The following CLDN16 variants were observed in gnomAD, a reference collection of about 807,000 sequenced individuals.
CLDN16 encodes claudin-16.
CLDN16 carries 13 observed loss-of-function variants against 24.6 expected under a neutral mutation model. That is an observed-to-expected ratio of 0.53 (90% CI 0.34 to 0.84). CLDN16 has a LOEUF of 0.84. CLDN16 is among the 40% of genes least tolerant of loss of function. CLDN16 has a pLI of 0.01. For synonymous variants in CLDN16, 116 were observed against 106.7 expected, an observed-to-expected ratio of 1.09 and a Z score of -0.54; for missense variants, 298 against 292.7, an observed-to-expected ratio of 1.02 and a Z score of -0.13.
the CLDN16 span, among the ~76,000 whole-genome samples, chr3:190,292,613 G>A: frequency 6.6e-6 from 1 of 152,038 alleles, no homozygotes; most frequent in Non-Finnish European, 1.5e-5. Flanking sequence ...TTTTTCTATT[G>A]CATCATCAGG....
At chr3:190,403,922 T>C (rs1719024105) in intron 2 of CLDN16, among the ~76,000 whole-genome samples, 1 of 152,008 alleles carries the variant, frequency 6.6e-6, no homozygotes, top group Non-Finnish European at 1.5e-5. Context: ...AAATGAAAAA[T>C]TAAAAAAAAT....
chr3:190,310,159 A>G, the CLDN16 span: 3 of 1,609,362 alleles, frequency 1.9e-6, no homozygotes, highest in Non-Finnish European at 2.6e-6. Context: ...TTACGCCTGA[A>G]TAGCGTTACC....
intron 1 of CLDN16, among the ~76,000 whole-genome samples, chr3:190,364,788 T>C (rs926820420): frequency 6.6e-6 from 1 of 151,684 alleles, no homozygotes; most frequent in Non-Finnish European, 1.5e-5. Flanking sequence ...TATTCCCAAA[T>C]GTGGAATATG....
At chr3:190,313,074 T>C in the CLDN16 span, 3 of 1,612,816 alleles carry the variant, frequency 1.9e-6, no homozygotes, top group Admixed American at 3.3e-5. Flanking sequence ...AAAATATGCT[T>C]GGACCAACAA....
At chr3:190,373,741 C>T (rs530739420) in intron 2 of CLDN16, among the ~76,000 whole-genome samples, 96 of 151,622 alleles carry the variant, frequency 6.3e-4, no homozygotes, top group South Asian at 1.0e-3. Flanking sequence ...GCGCTCAGGA[C>T]GCATTTTTAT....
chr3:190,391,355 G>A (rs1231907233), intron 1 of CLDN16, among the ~76,000 whole-genome samples: 1 of 151,736 alleles, frequency 6.6e-6, no homozygotes, highest in Non-Finnish European at 1.5e-5. Context: ...CAAAGATAAA[G>A]CAAAAATTGC....
intron 1 of CLDN16, among the ~76,000 whole-genome samples, chr3:190,363,597 T>TATATATATATATATATA (rs1560088069): frequency 3.7e-5 from 5 of 135,906 alleles, no homozygotes; most frequent in African/African-American, 1.1e-4. Context: ...TATATATATA[T>TATATATATATATATATA]TTTCTTTCTC....
intron 1 of CLDN16, among the ~76,000 whole-genome samples, chr3:190,336,098 G>T (rs1485604406): frequency 6.6e-6 from 1 of 152,006 alleles, no homozygotes; most frequent in Non-Finnish European, 1.5e-5. Flanking sequence ...TGTGCCTTTT[G>T]GTTACTCAGG....
the CLDN16 span, among the ~76,000 whole-genome samples, chr3:190,308,827 C>G: frequency 6.6e-6 from 1 of 152,122 alleles, no homozygotes; most frequent in Non-Finnish European, 1.5e-5. Flanking sequence ...TATAAAGAAA[C>G]TGATAGAGCA....
At chr3:190,394,617 A>G (rs1718768392) in intron 1 of CLDN16, among the ~76,000 whole-genome samples, 1 of 152,136 alleles carries the variant, frequency 6.6e-6, no homozygotes, top group Non-Finnish European at 1.5e-5. Context: ...ATGATTTCCT[A>G]AGTACCTAGC....
At chr3:190,347,972 G>A (rs1042004988) in intron 1 of CLDN16, among the ~76,000 whole-genome samples, 4 of 151,672 alleles carry the variant, frequency 2.6e-5, no homozygotes, top group East Asian at 1.9e-4. Flanking sequence ...GGCTGGGCGC[G>A]GTGGCTCACA....
At chr3:190,388,058 C>G, upstream of CLDN16, 4 of 1,506,686 alleles carry the variant, frequency 2.7e-6, no homozygotes, top group South Asian at 4.6e-5. Flanking sequence ...TCTCCCCCAC[C>G]CGAAACACAC....
intron 1 of CLDN16, among the ~76,000 whole-genome samples, chr3:190,393,854 G>A (rs750556440): frequency 4.7e-5 from 7 of 149,706 alleles, no homozygotes; most frequent in South Asian, 2.1e-4. Flanking sequence ...GAGTTCAAGC[G>A]ATTCTCCTGC....
upstream of CLDN16, chr3:190,322,433 T>C: frequency 1.7e-6 from 1 of 583,088 alleles, no homozygotes; most frequent in Non-Finnish European, 3.1e-6. Context: ...GCTCCCAGGC[T>C]CGGGAACTGA....
At chr3:190,397,479 A>G (rs1718849654) in intron 1 of CLDN16, among the ~76,000 whole-genome samples, 1 of 152,234 alleles carries the variant, frequency 6.6e-6, no homozygotes, top group Non-Finnish European at 1.5e-5. Context: ...ACCCTGTCTT[A>G]AAATTTTCAA....
At chr3:190,341,597 G>C (rs1044678000) in intron 1 of CLDN16, among the ~76,000 whole-genome samples, 2 of 152,144 alleles carry the variant, frequency 1.3e-5, no homozygotes, top group Non-Finnish European at 2.9e-5. Flanking sequence ...CTGCCACAAA[G>C]GTCTCTCACA....
rs138540931 is a variant in CLDN16, at chr3:190,352,127, A to G, written n.122-18766A>G. Among the ~76,000 whole-genome samples the G allele has an allele frequency of 1.6e-3, 250 of 151,940 alleles. 2 individuals are homozygous for G. The highest frequency in any genetic ancestry group is 4.9e-3 in the African/African-American group (202 of 41,416). On this transcript the variant is annotated intron_variant and non_coding_transcript_variant, in intron 1 of 4. Transcript: ENST00000468220. ...TAAATATTATTTGTCTGAAACTAGAAGGCAATTGAAAAAGTTTTTTTTTTT... is the reference window on the plus strand; with the variant it reads ...TAAATATTATTTGTCTGAAACTAGAGGGCAATTGAAAAAGTTTTTTTTTTT...
intron 3 of CLDN16, among the ~76,000 whole-genome samples, chr3:190,381,186 G>C (rs190038997): frequency 6.6e-6 from 1 of 152,208 alleles, no homozygotes; most frequent in East Asian, 1.9e-4. Context: ...AGAACTCTTG[G>C]TAATTTCCTA....
chr3:190,300,322 A>G, the CLDN16 span, among the ~76,000 whole-genome samples: 3 of 151,952 alleles, frequency 2.0e-5, no homozygotes, highest in Non-Finnish European at 4.4e-5. Context: ...GGACTACTTT[A>G]TGGACATCCT....
Sources: gnomAD v4.1 joint callset for allele counts (sites outside exome capture counted in the v4.1 genomes callset) on GRCh38, gnomAD v4.1.1 for gene constraint, MANE v1.5 for transcripts, NCBI Gene and HGNC (gene_info 2026-07-23, HGNC 2026-07-21) for gene names.